The following ILRUN variants were observed in gnomAD, a reference collection of about 807,000 sequenced individuals.
ILRUN encodes the protein inflammation and lipid regulator with UBA-like and NBR1-like domains.
A neutral mutation model predicts 33.8 loss-of-function variants in ILRUN; 3 were observed. That is an observed-to-expected ratio of 0.09 (90% CI 0.04 to 0.23). The LOEUF (loss-of-function observed/expected upper bound fraction) is 0.23, where lower values mean the gene tolerates loss of function less well. Ranked by LOEUF, ILRUN falls within the 10% of genes least tolerant of loss-of-function variation. ILRUN has a pLI of 1.00. For synonymous variants in ILRUN, 124 were observed against 138.9 expected, an observed-to-expected ratio of 0.89 and a Z score of 0.75; for missense variants, 210 against 375.1, an observed-to-expected ratio of 0.56 and a Z score of 3.64.
chr6:34,663,781 T>C (rs1762941453), intron 1 of ILRUN, among the ~76,000 whole-genome samples: 1 of 152,238 alleles, frequency 6.6e-6, no homozygotes, highest in Non-Finnish European at 1.5e-5. Flanking sequence ...ATATCATGTT[T>C]CAGAACATTT....
At chr6:34,651,834 C>A (rs1406342460) in intron 2 of ILRUN, among the ~76,000 whole-genome samples, 3 of 145,676 alleles carry the variant, frequency 2.1e-5, no homozygotes, top group South Asian at 4.4e-4. Context: ...GCTCTGTTGC[C>A]CAGGCTGGAG....
intron 4 of ILRUN, among the ~76,000 whole-genome samples, chr6:34,597,783 C>T (rs781241750): frequency 3.9e-5 from 6 of 152,152 alleles, no homozygotes; most frequent in Admixed American, 6.5e-5. Flanking sequence ...CCAAAATGCA[C>T]CCCACCCTCT....
intron 1 of ILRUN, among the ~76,000 whole-genome samples, chr6:34,655,423 G>A (rs1019213045): frequency 1.3e-5 from 2 of 152,096 alleles, no homozygotes; most frequent in Admixed American, 1.3e-4. Flanking sequence ...ACACATTCAA[G>A]CAAACATAAT....
rs185420466 is a variant in ILRUN at position 34,650,491 on chromosome 6, C to T, written c.314-3693G>A. Among the ~76,000 whole-genome samples, 667 of 151,340 alleles carry T rather than the reference C, an allele frequency of 4.4e-3. 5 individuals carry two copies. Among genetic ancestry groups the T allele is most frequent in the African/African-American group, 0.014 (597 of 41,208 alleles). ...TGCCGCCCAGGCTGGAGTGCAGTGGCGCGGTCTCAGCTCACTGCAACCTCC... is the reference window on the plus strand; with the variant it reads ...TGCCGCCCAGGCTGGAGTGCAGTGGTGCGGTCTCAGCTCACTGCAACCTCC... On this transcript the variant is annotated intron_variant, in intron 2 of 4. Coordinates refer to ENST00000374023, the MANE Select transcript of ILRUN (RefSeq NM_024294.4).
intron 3 of ILRUN, among the ~76,000 whole-genome samples, chr6:34,612,017 T>C (rs1372434946): frequency 2.0e-5 from 3 of 152,124 alleles, no homozygotes; most frequent in African/African-American, 7.2e-5. Context: ...CCCAGAGAAG[T>C]AGCCAAGGAG....
chr6:34,692,133 T>C (rs1484962543), intron 1 of ILRUN, among the ~76,000 whole-genome samples: 2 of 152,044 alleles, frequency 1.3e-5, no homozygotes, highest in Admixed American at 6.6e-5. Flanking sequence ...CCAGCTAATT[T>C]TTTTATTTTT....
chr6:34,612,017 TA>T (rs1761764272), intron 3 of ILRUN, among the ~76,000 whole-genome samples: 1 of 152,124 alleles, frequency 6.6e-6, no homozygotes, highest in Admixed American at 6.5e-5. Context: ...CCCAGAGAAG[TA>T]GCCAAGGAGG....
chr6:34,650,425 T>C (rs574098096), intron 2 of ILRUN, among the ~76,000 whole-genome samples: 86 of 149,296 alleles, frequency 5.8e-4, no homozygotes, highest in Middle Eastern at 3.4e-3. Context: ...ATTTATTTAT[T>C]TATTTATTTA....
intron 3 of ILRUN, among the ~76,000 whole-genome samples, chr6:34,616,121 C>T (rs1259082820): frequency 6.6e-6 from 1 of 152,208 alleles, no homozygotes; most frequent in Non-Finnish European, 1.5e-5. Context: ...AAAGGTATAG[C>T]TGAGACTAAA....
At chr6:34,660,980 G>A (rs1762874849) in intron 1 of ILRUN, among the ~76,000 whole-genome samples, 1 of 152,108 alleles carries the variant, frequency 6.6e-6, no homozygotes, top group Non-Finnish European at 1.5e-5. Flanking sequence ...TTCAGAGGAG[G>A]GACAAAGTTA....
At chr6:34,694,948 G>A (rs1234864530) in intron 1 of ILRUN, among the ~76,000 whole-genome samples, 1 of 151,684 alleles carries the variant, frequency 6.6e-6, no homozygotes. Context: ...CTGCTGGGGA[G>A]GTTGAGACAG....
At chr6:34,623,296 T>C (rs1762046083) in intron 3 of ILRUN, among the ~76,000 whole-genome samples, 1 of 152,222 alleles carries the variant, frequency 6.6e-6, no homozygotes, top group African/African-American at 2.4e-5. Context: ...ATTCTGTTAT[T>C]TGTTGAAGGC....
chr6:34,600,273 C>G (rs1014836520), intron 4 of ILRUN, among the ~76,000 whole-genome samples: 1 of 152,212 alleles, frequency 6.6e-6, no homozygotes, highest in East Asian at 1.9e-4. Flanking sequence ...TCTTCTTCTA[C>G]TCTCTCTCGT....
At chr6:34,613,581 C>T (rs930673757) in intron 3 of ILRUN, among the ~76,000 whole-genome samples, 8 of 151,958 alleles carry the variant, frequency 5.3e-5, no homozygotes, top group African/African-American at 1.7e-4. Flanking sequence ...AATAAGTAAA[C>T]GGATGTTATA....
At chr6:34,615,518 C>G (rs1761867329) in intron 3 of ILRUN, among the ~76,000 whole-genome samples, 2 of 152,120 alleles carry the variant, frequency 1.3e-5, no homozygotes, top group African/African-American at 4.8e-5. Flanking sequence ...ATCACTTGAA[C>G]CTGGGAGGGG....
chr6:34,677,671 G>A (rs560154002), intron 1 of ILRUN, among the ~76,000 whole-genome samples: 18 of 151,986 alleles, frequency 1.2e-4, no homozygotes, highest in East Asian at 1.9e-4. Flanking sequence ...AAACAGGGCC[G>A]GTCACCACGG....
intron 1 of ILRUN, among the ~76,000 whole-genome samples, chr6:34,673,936 C>CACACACAT (rs71000080): frequency 6.6e-6 from 1 of 150,488 alleles, no homozygotes; most frequent in Non-Finnish European, 1.5e-5. Context: ...CACACACACA[C>CACACACAT]GAAAACTGAT....
At chr6:34,622,538 T>A (rs1455502514) in intron 3 of ILRUN, among the ~76,000 whole-genome samples, 10 of 144,546 alleles carry the variant, frequency 6.9e-5, no homozygotes, top group Non-Finnish European at 1.1e-4. Context: ...TGGCTACTAC[T>A]AAAAAAAAAA....
chr6:34,672,839 C>T (rs1028504865), intron 1 of ILRUN, among the ~76,000 whole-genome samples: 2 of 151,820 alleles, frequency 1.3e-5, no homozygotes, highest in Non-Finnish European at 2.9e-5. Flanking sequence ...AGAAATTTTC[C>T]GATAACAAGA....
Sources: gnomAD v4.1 joint callset for allele counts (sites outside exome capture counted in the v4.1 genomes callset) on GRCh38, gnomAD v4.1.1 for gene constraint, MANE v1.5 for transcripts, NCBI Gene and HGNC (gene_info 2026-07-23, HGNC 2026-07-21) for gene names.